The following BRAF variants were observed in gnomAD, a reference collection of about 807,000 sequenced individuals.
BRAF encodes the protein serine/threonine-protein kinase B-raf.
BRAF carries 16 observed loss-of-function variants against 104.6 expected under a neutral mutation model. The ratio of observed to expected loss-of-function variants is 0.15; its 90% CI spans 0.10 to 0.23. BRAF has a LOEUF of 0.23. Among genes scored for constraint, BRAF ranks in the 10% least tolerant of loss-of-function variants. The pLI, the probability that BRAF is intolerant of heterozygous loss-of-function variation, is 1.00. For missense variants in BRAF, 541 were observed against 937.3 expected, an observed-to-expected ratio of 0.58 and a Z score of 5.52; for synonymous variants, 310 against 341.6, an observed-to-expected ratio of 0.91 and a Z score of 1.02.
intron 18 of BRAF, 22 bp downstream of exon 17, chr7:140,739,790 A>T (rs2130898626): frequency 6.2e-7 from 1 of 1,611,504 alleles, no homozygotes; most frequent in South Asian, 1.1e-5. Context: ...GTTCTTTTGG[A>T]TAGCATGAAG....
chr7:140,799,331 T>C, intron 7 of BRAF: 1 of 232,782 alleles, frequency 4.3e-6, no homozygotes, highest in Non-Finnish European at 8.5e-6. Context: ...GTTGGCCTTC[T>C]TCACCCTAAA....
intron 1 of BRAF, among the ~76,000 whole-genome samples, chr7:140,903,361 C>G (rs975956563): frequency 1.3e-5 from 2 of 152,176 alleles, no homozygotes; most frequent in African/African-American, 4.8e-5. Context: ...GTAAATGGAA[C>G]AATGAAGCCT....
chr7:140,847,455 T>G (rs994508711), intron 2 of BRAF, among the ~76,000 whole-genome samples: 1 of 151,766 alleles, frequency 6.6e-6, no homozygotes, highest in Non-Finnish European at 1.5e-5. Context: ...TGGTGGTGCA[T>G]GCCTGTAATC....
intron 1 of BRAF, among the ~76,000 whole-genome samples, chr7:140,856,671 GA>G (rs1193677374): frequency 6.6e-6 from 1 of 152,180 alleles, no homozygotes; most frequent in Non-Finnish European, 1.5e-5. Flanking sequence ...CCAAAAGGCA[GA>G]GATAAATGAA....
chr7:140,808,966 T>G lies in BRAF; in HGVS notation c.534A>C (p.Arg178=). 6.2e-7 allele frequency: 1 copy of G among 1,613,172 alleles called. No individual in the cohort carries two copies. Among genetic ancestry groups the G allele is most frequent in the Non-Finnish European group, 8.5e-7 (1 of 1,179,596 alleles). Residue 178 remains arginine (R), a synonymous_variant, in exon 4 of 20, where the codon CGA becomes CGC. Transcript: ENST00000644969. ...TCATCAGTGCTTTCTTTAGACTGTC[T>G]CGGACTGTAACTCCACACCTTGCAG... The part of the protein sequence containing the change: ...VVPARCGVTV[R]DSLKKALMMR...
In BRAF at chr7:140,893,252, C is replaced by CTT. The variant is rs1212458745; in HGVS notation, c.138+31312_138+31313dup. Among the ~76,000 whole-genome samples the CTT allele has an allele frequency of 2.3e-3, 319 of 141,744 alleles. 4 individuals carry two copies. Among genetic ancestry groups the CTT allele is most frequent in the African/African-American group, 7.0e-3 (269 of 38,446 alleles). The allele number at this position is 141,744 out of a possible 152,430, so 93.0% of individuals were successfully genotyped here. ...TCTCCCTGCTGTTCCCCATAACATT[C>CTT]TTTTTTTTTTTTTTTGAGACAGAGT... On this transcript the variant is annotated intron_variant, in intron 1 of 19. Transcript: ENST00000644969.
At chr7:140,731,898 G>A (rs577274054) in intron 19 of BRAF, 16 of 152,014 alleles carry the variant, frequency 1.1e-4, no homozygotes, top group African/African-American at 2.9e-4. Context: ...AAGGCCGGGC[G>A]CGGTGGCTCA....
At chr7:140,753,611 T>C (rs1361465259) in intron 15 of BRAF, 1 of 423,426 alleles carries the variant, frequency 2.4e-6, no homozygotes, top group East Asian at 4.8e-5. Flanking sequence ...TTTTTGGGGC[T>C]TGAAATGTGT....
chr7:140,924,774 GGGAGGCGGAGGC>G lies in BRAF; in HGVS notation c.-83_-72del, dbSNP rs727502907. On this transcript the variant is annotated 5_prime_UTR_variant, in exon 1 of 20. Coordinates refer to ENST00000644969, the MANE Select transcript of BRAF (RefSeq NM_001374258.1). The surrounding 1 kb of genome is among the most constrained non-coding windows in gnomAD (Gnocchi z 4.2). ...AGGGGGAAGGGAGGCGGAGAGCTGG[GGGAGGCGGAGGC>G]GGAGGCGGAGGCGGAGGAGCGGGGG... 9.8e-4 allele frequency: 578 copies of G among 586,848 alleles called. 1 individual carries two copies. The highest frequency in any genetic ancestry group is 6.6e-3 in the African/African-American group (334 of 50,652). 36.4% of individuals were successfully genotyped at this position (586,848 alleles called of 1,614,324 possible).
chr7:140,891,924 A>C (rs1338661203), intron 1 of BRAF, among the ~76,000 whole-genome samples: 2 of 152,196 alleles, frequency 1.3e-5, no homozygotes, highest in South Asian at 2.1e-4. Flanking sequence ...ACACACAAGC[A>C]ATGTTCCATA....
chr7:140,768,098 T>C (rs770478665), intron 14 of BRAF, among the ~76,000 whole-genome samples: 9 of 152,148 alleles, frequency 5.9e-5, no homozygotes, highest in Admixed American at 4.6e-4. Context: ...CAAGAAACCA[T>C]TGTGTATAGT....
At position 140,720,530 on chromosome 7, in the gene BRAF, G is replaced by A. The variant is rs1286151112; in HGVS notation, c.*5964C>T. On this transcript the variant is annotated 3_prime_UTR_variant, in exon 20 of 20. Coordinates refer to ENST00000644969, the MANE Select transcript of BRAF (RefSeq NM_001374258.1). ...GGAACATACACAAATGTATTAGGAA[G>A]GAATGATTCTTAAAAAAACCGTTCA... The A allele has an allele frequency of 2.8e-6, 3 of 1,064,788 alleles. No individual in the cohort carries two copies. The highest frequency in any genetic ancestry group is 1.0e-4 in the East Asian group (2 of 20,000). 66.0% of individuals were successfully genotyped at this position (1,064,788 alleles called of 1,614,324 possible). A position where few individuals can be genotyped will look rare whatever the true frequency, so the allele number is the denominator to read the frequency against.
At chr7:140,875,938 T>A (rs1050058263) in intron 1 of BRAF, among the ~76,000 whole-genome samples, 3 of 152,186 alleles carry the variant, frequency 2.0e-5, no homozygotes, top group Non-Finnish European at 4.4e-5. Flanking sequence ...TCTAAAAGAA[T>A]TGCTAAAAGA....
At chr7:140,735,051 T>G (rs1236080751) in intron 18 of BRAF, among the ~76,000 whole-genome samples, 1 of 152,178 alleles carries the variant, frequency 6.6e-6, no homozygotes, top group Admixed American at 6.5e-5. Context: ...TTTATTTATA[T>G]TTTAGATCAT....
At chr7:140,901,969 TA>T in intron 1 of BRAF, among the ~76,000 whole-genome samples, 1 of 152,372 alleles carries the variant, frequency 6.6e-6, no homozygotes, top group East Asian at 1.9e-4. Context: ...GCTAAATATT[TA>T]TTTTTTATGC....
rs2129018458 is a variant in BRAF, at chr7:140,777,030, C to T, written c.1696G>A (p.Ala566Thr). 6.2e-7 allele frequency: 1 copy of T among 1,613,926 alleles called. No individual in the cohort carries two copies. Among genetic ancestry groups the T allele is most frequent in the East Asian group, 2.2e-5 (1 of 44,870 alleles). ...CCCTCACACCACTGGGTAACAATAGCCAGTTGTGGCTTTGTGGAATAGCCC... is the reference window on the plus strand; with the variant it reads ...CCCTCACACCACTGGGTAACAATAGTCAGTTGTGGCTTTGTGGAATAGCCC... ...FMGYSTKPQL[A>T]IVTQWCEGSS... The change falls in exon 14 of 20, where the codon GCT (alanine) becomes ACT (threonine). Residue 566 changes from alanine (A) to threonine (T), a missense_variant. By Grantham distance (58) the Ala-to-Thr change is moderately conservative (BLOSUM62 0). This residue lies in a region of BRAF where 7 missense variants were observed against 47.2 expected (regional missense o/e 0.15). Transcript: ENST00000644969.
chr7:140,737,383 T>G (rs1796527979), intron 18 of BRAF, among the ~76,000 whole-genome samples: 2 of 152,310 alleles, frequency 1.3e-5, no homozygotes, highest in Middle Eastern at 3.4e-3. Flanking sequence ...TTAAAATATA[T>G]TTCACTGTTG....
chr7:140,822,891 T>C (rs1207987918), intron 3 of BRAF, among the ~76,000 whole-genome samples: 1 of 152,166 alleles, frequency 6.6e-6, no homozygotes, highest in African/African-American at 2.4e-5. Flanking sequence ...ATGGTGCACA[T>C]AGCACAATGT....
At chr7:140,842,959 G>A (rs1267600) in intron 2 of BRAF, among the ~76,000 whole-genome samples, 14,743 of 152,214 alleles carry the variant, frequency 0.097, 771 homozygotes, top group South Asian at 0.19. Context: ...ACAATGAAGA[G>A]AAGAAGCAAG....
Sources: gnomAD v4.1 joint callset for allele counts (sites outside exome capture counted in the v4.1 genomes callset) on GRCh38, gnomAD v4.1.1 for gene constraint, gnomAD v4.1.1 regional missense constraint, Gnocchi (gnomAD v3.1) non-coding constraint, MANE v1.5 for transcripts, NCBI Gene and HGNC (gene_info 2026-07-23, HGNC 2026-07-21) for gene names.